WNT7A: variants seen among roughly 807,000 people sequenced by gnomAD.
The protein encoded by WNT7A is Wnt family member 7A.
WNT7A carries 16 observed loss-of-function variants against 28.2 expected under a neutral mutation model. The observed-to-expected ratio is 0.57, with a 90% confidence interval of 0.38 to 0.86. WNT7A has a LOEUF of 0.86. WNT7A is among the 40% of genes least tolerant of loss of function. The pLI is 0.00. For synonymous variants in WNT7A, 190 were observed against 195.9 expected (o/e 0.97, Z 0.25); for missense variants, 411 against 489.7 (o/e 0.84, Z 1.52).
At position 13,866,962 on chromosome 3, in the gene WNT7A, T is replaced by C. The variant is rs143569219; in HGVS notation, c.298+7985A>G. 3.6e-3 allele frequency among the ~76,000 whole-genome samples: 553 copies of C among 152,112 alleles called. 5 individuals are homozygous for C. Among genetic ancestry groups the C allele is most frequent in the African/African-American group, 0.013 (527 of 41,478 alleles). On this transcript the variant is annotated intron_variant, in intron 2 of 3. Coordinates refer to ENST00000285018, the MANE Select transcript of WNT7A (RefSeq NM_004625.4). ...GTGAAGGTGGTGAAAACTGGACAGA[T>C]TGGGGGATATAGTTTGGAGGTAGAG...
intron 2 of WNT7A, among the ~76,000 whole-genome samples, chr3:13,869,713 G>T (rs1158727575): frequency 6.7e-6 from 1 of 148,386 alleles, no homozygotes; most frequent in Non-Finnish European, 1.5e-5. Context: ...AGGAGAGAAA[G>T]AAAGAAAAAA....
At chr3:13,858,104 G>A (rs1431867178) in intron 2 of WNT7A, among the ~76,000 whole-genome samples, 1 of 152,210 alleles carries the variant, frequency 6.6e-6, no homozygotes. Flanking sequence ...GTGGGCAGCA[G>A]AGCTGAGCTG....
intron 3 of WNT7A, among the ~76,000 whole-genome samples, chr3:13,839,249 C>G (rs753138503): frequency 6.6e-5 from 10 of 152,140 alleles, no homozygotes; most frequent in Admixed American, 3.9e-4. Context: ...AATCTCAGGC[C>G]CTGCCCCAGA....
chr3:13,878,001 G>A (rs1306693472), intron 1 of WNT7A, among the ~76,000 whole-genome samples: 1 of 152,188 alleles, frequency 6.6e-6, no homozygotes, highest in Admixed American at 6.5e-5. Flanking sequence ...TGAGTAGCCC[G>A]AGGCGCAGGG....
intron 3 of WNT7A, among the ~76,000 whole-genome samples, chr3:13,820,985 C>T (rs2124825594): frequency 6.6e-6 from 1 of 152,356 alleles, no homozygotes; most frequent in African/African-American, 2.4e-5. Flanking sequence ...ACACGCAGCC[C>T]ATGCTGGATG....
At chr3:13,863,754 G>C (rs1299833622) in intron 2 of WNT7A, 1 of 152,184 alleles carries the variant, frequency 6.6e-6, no homozygotes, top group Non-Finnish European at 1.5e-5. Flanking sequence ...TCTCTCACTG[G>C]AAAGGTCTTC....
chr3:13,843,187 C>T (rs1694489405), intron 3 of WNT7A, among the ~76,000 whole-genome samples: 1 of 152,154 alleles, frequency 6.6e-6, no homozygotes, highest in Admixed American at 6.5e-5. Flanking sequence ...TAGAACAGTC[C>T]TTAGGAATAA....
intron 3 of WNT7A, among the ~76,000 whole-genome samples, chr3:13,827,622 G>C (rs1694214981): frequency 1.3e-5 from 2 of 152,062 alleles, no homozygotes; most frequent in South Asian, 4.1e-4. Flanking sequence ...GGGGACCTAG[G>C]GGTGAACTTC....
intron 2 of WNT7A, among the ~76,000 whole-genome samples, chr3:13,860,334 C>A (rs184525890): frequency 8.5e-5 from 13 of 152,312 alleles, no homozygotes; most frequent in African/African-American, 1.2e-4. Flanking sequence ...CTTCCTGGCC[C>A]ACCAGTGCAT....
chr3:13,855,328 A>C (rs1225055811), intron 2 of WNT7A, among the ~76,000 whole-genome samples: 1 of 151,740 alleles, frequency 6.6e-6, no homozygotes, highest in Non-Finnish European at 1.5e-5. Flanking sequence ...CTGGCTGTAA[A>C]ATGGGGACAT....
In WNT7A at chr3:13,873,074, G is replaced by T. The variant is rs142997344; in HGVS notation, c.298+1873C>A. ...AAAGCACAAAAACCACAAGCGACAA[G>T]CAAGGGGAGGCTCACAAGACAGATT... is the stretch of plus-strand genomic sequence containing the variant. On this transcript the variant is annotated intron_variant, in intron 2 of 3. Transcript: ENST00000285018. 4.6e-4 allele frequency among the ~76,000 whole-genome samples: 70 copies of T among 152,208 alleles called. No homozygotes were observed. In the East Asian group the frequency reaches 0.013, roughly 28 times the overall value.
chr3:13,837,379 T>C (rs1694387513), intron 3 of WNT7A, among the ~76,000 whole-genome samples: 1 of 143,976 alleles, frequency 6.9e-6, no homozygotes, highest in African/African-American at 2.6e-5. Flanking sequence ...CTGTCTCACA[T>C]CCCCCCGGCC....
chr3:13,874,303 C>A (rs56010638), intron 2 of WNT7A, among the ~76,000 whole-genome samples: 17,138 of 152,256 alleles, frequency 0.11, 1,089 homozygotes, highest in Middle Eastern at 0.19. Context: ...TCTCTCTGAC[C>A]CTTTTCCACC....
intron 2 of WNT7A, among the ~76,000 whole-genome samples, chr3:13,868,135 G>C (rs899111270): frequency 2.0e-5 from 3 of 152,116 alleles, no homozygotes; most frequent in African/African-American, 7.2e-5. Context: ...AGACATGAGG[G>C]AGGCTCACAA....
intron 3 of WNT7A, among the ~76,000 whole-genome samples, chr3:13,838,933 AC>A (rs1454871553): frequency 3.5e-4 from 53 of 152,392 alleles, no homozygotes; most frequent in Admixed American, 2.0e-3. Context: ...CAAATGCCAG[AC>A]TTTAAAGACT....
chr3:13,823,171 T>C (rs1694139722), intron 3 of WNT7A, among the ~76,000 whole-genome samples: 1 of 152,124 alleles, frequency 6.6e-6, no homozygotes, highest in Non-Finnish European at 1.5e-5. Flanking sequence ...AGAGGAAGTG[T>C]GTGAGGGACA....
intron 3 of WNT7A, among the ~76,000 whole-genome samples, chr3:13,827,689 C>T (rs79676987): frequency 6.6e-6 from 1 of 152,160 alleles, no homozygotes; most frequent in African/African-American, 2.4e-5. Context: ...CTGGCTCCCA[C>T]AGGGTCCATG....
At chr3:13,853,102 A>AGAACGAT (rs3044861) in intron 3 of WNT7A, among the ~76,000 whole-genome samples, 8 of 151,348 alleles carry the variant, frequency 5.3e-5, no homozygotes, top group African/African-American at 1.7e-4. Context: ...CTTCTGCCCC[A>AGAACGAT]CAGTGGCTCC....
intron 3 of WNT7A, among the ~76,000 whole-genome samples, chr3:13,822,228 G>A (rs1044864115): frequency 2.0e-5 from 3 of 152,238 alleles, no homozygotes; most frequent in Non-Finnish European, 4.4e-5. Context: ...ACCCCTAGGC[G>A]TATGCCCAAG....
Sources: allele counts gnomAD v4.1 joint callset (sites outside exome capture counted in the v4.1 genomes callset), GRCh38; gene constraint gnomAD v4.1.1; transcripts MANE v1.5; gene names NCBI Gene and HGNC (gene_info 2026-07-23, HGNC 2026-07-21).